Variants in HEATR4 observed in about 807,000 individuals in gnomAD.
HEATR4 encodes HEAT repeat-containing protein 4.
HEATR4 carries 95 observed loss-of-function variants against 108.8 expected under a neutral mutation model. The ratio of observed to expected loss-of-function variants is 0.87; its 90% CI spans 0.74 to 1.04. The LOEUF (loss-of-function observed/expected upper bound fraction) is 1.04. HEATR4 is among the 50% of genes least tolerant of loss of function. HEATR4 has a pLI of 0.00. For missense variants in HEATR4, 1,152 were observed against 1,253.8 expected, an observed-to-expected ratio of 0.92 and a Z score of 1.23; for synonymous variants, 443 against 459.4, an observed-to-expected ratio of 0.96 and a Z score of 0.46.
the HEATR4 span, among the ~76,000 whole-genome samples, chr14:73,577,276 G>A: frequency 7.0e-6 from 1 of 143,056 alleles, no homozygotes; most frequent in African/African-American, 2.6e-5. Context: ...TGTAGCAGTA[G>A]AATATAACCA....
Position 73,522,404 on chromosome 14 carries a change from A to C in HEATR4, c.749T>G (p.Leu250Arg), listed in dbSNP as rs139597948. 2.2e-5 allele frequency: 36 copies of C among 1,614,106 alleles called. No homozygotes were observed. Among genetic ancestry groups the C allele is most frequent in the Non-Finnish European group, 5.1e-6 (6 of 1,180,028 alleles). Residue 250 changes from leucine to arginine, a missense_variant, in exon 3 of 18, where the codon CTT becomes CGT. By Grantham distance (102) the Leu-to-Arg change is moderately radical (BLOSUM62 -2). Transcript: ENST00000553558. ...GAGCTCCAGGTCACTGGCAGAGGTA[A>C]GCTCATCCCGAATGTGACTCCAGTC... Reference protein sequence around the residue: ...QYDWSHIRDELTSASDLELLK... With the variant: ...QYDWSHIRDERTSASDLELLK...
Position 73,508,132 on chromosome 14 carries a change from A to G in HEATR4, c.1881+2T>C, listed in dbSNP as rs1474968888. 1 of 1,613,826 alleles carries G rather than the reference A, an allele frequency of 6.2e-7. No individual in the cohort carries two copies. The highest frequency in any genetic ancestry group is 8.5e-7 in the Non-Finnish European group (1 of 1,179,710). On this transcript the variant is annotated splice_donor_variant, in intron 9 of 17. Transcript: ENST00000553558. LOFTEE classifies it high-confidence loss of function. ...GTGTCTGACCCGGTAATGGACACAT[A>G]CTGTCTTCTCACTCAGATAGCTCAG...
chr14:73,599,983 C>T, the HEATR4 span, among the ~76,000 whole-genome samples: 4 of 152,158 alleles, frequency 2.6e-5, no homozygotes, highest in African/African-American at 7.2e-5. Flanking sequence ...ATATCAGATC[C>T]AGGTATAGAT....
At chr14:73,525,759 C>T (rs1888287356) in intron 2 of HEATR4, among the ~76,000 whole-genome samples, 4 of 152,024 alleles carry the variant, frequency 2.6e-5, no homozygotes, top group Admixed American at 2.6e-4. Context: ...TCAAGACTGG[C>T]CTGGCCAACA....
chr14:73,522,192 G>A lies in HEATR4; in HGVS notation c.881+80C>T, dbSNP rs559650872. Reference sequence around the variant, plus strand: ...TGATGGGAGAGTGCATTCTGAAATCGGGAGTGTGAGTCCACCTGGGAGTCC... The same window carrying A: ...TGATGGGAGAGTGCATTCTGAAATCAGGAGTGTGAGTCCACCTGGGAGTCC... On this transcript the variant is annotated intron_variant, in intron 3 of 17. Transcript: ENST00000553558. 12 of 1,417,036 alleles carry A rather than the reference G, an allele frequency of 8.5e-6. No individual in the cohort carries two copies. In the East Asian group the frequency reaches 9.2e-5, roughly 11 times the overall value. 87.8% of individuals were successfully genotyped at this position (1,417,036 alleles called of 1,614,324 possible). A position where few individuals can be genotyped will look rare whatever the true frequency, so the allele number is the denominator to read the frequency against.
the HEATR4 span, among the ~76,000 whole-genome samples, chr14:73,590,747 CA>C: frequency 2.0e-5 from 3 of 151,724 alleles, no homozygotes; most frequent in African/African-American, 7.2e-5. Flanking sequence ...CCGCCGAGCC[CA>C]CGCCCACCCG....
intron 17 of HEATR4, among the ~76,000 whole-genome samples, chr14:73,484,562 T>A (rs1488782008): frequency 6.6e-6 from 1 of 151,828 alleles, no homozygotes; most frequent in Non-Finnish European, 1.5e-5. Flanking sequence ...TATTTTTTAG[T>A]AGAGACGGGG....
At chr14:73,585,825 T>C in the HEATR4 span, among the ~76,000 whole-genome samples, 1 of 147,178 alleles carries the variant, frequency 6.8e-6, no homozygotes, top group Admixed American at 6.7e-5. Context: ...TTTTTCTTTT[T>C]TTTTTTTTTT....
the HEATR4 span, chr14:73,613,062 G>A: frequency 3.2e-6 from 2 of 624,800 alleles, no homozygotes; most frequent in Non-Finnish European, 2.5e-6. Context: ...GTCGAGCTCT[G>A]CGACCCCCAC....
the HEATR4 span, among the ~76,000 whole-genome samples, chr14:73,613,291 G>A: frequency 6.6e-6 from 1 of 152,034 alleles, no homozygotes; most frequent in African/African-American, 2.4e-5. Context: ...TCCTTTTTAA[G>A]TTTCACGTCC....
chr14:73,532,799 C>CA (rs1355460741), intron 1 of HEATR4, among the ~76,000 whole-genome samples: 1 of 111,630 alleles, frequency 9.0e-6, no homozygotes, highest in Non-Finnish European at 1.9e-5. Context: ...CTAAAACATA[C>CA]AAAAAAATTA....
the HEATR4 span, among the ~76,000 whole-genome samples, chr14:73,610,534 G>GC: frequency 2.0e-5 from 3 of 151,742 alleles, no homozygotes; most frequent in Non-Finnish European, 4.4e-5. Context: ...CAAGTCATCC[G>GC]CCCCCCTCGG....
intron 17 of HEATR4, chr14:73,491,511 C>T: frequency 6.6e-7 from 1 of 1,511,704 alleles, no homozygotes; most frequent in South Asian, 1.2e-5. Context: ...GGGGCCCCTG[C>T]GACGGCGTCG....
the HEATR4 span, among the ~76,000 whole-genome samples, chr14:73,606,392 A>AC: frequency 2.6e-5 from 4 of 151,892 alleles, no homozygotes; most frequent in African/African-American, 9.7e-5. Context: ...AACAAAAAAA[A>AC]AAAAAACTGT....
chr14:73,513,304 C>CA (rs1282647239), intron 6 of HEATR4, among the ~76,000 whole-genome samples: 3 of 151,894 alleles, frequency 2.0e-5, no homozygotes, highest in African/African-American at 7.3e-5. Flanking sequence ...ACTAAAAACA[C>CA]AAAAATTAGC....
the HEATR4 span, among the ~76,000 whole-genome samples, chr14:73,573,788 G>A: frequency 2.0e-5 from 3 of 151,872 alleles, no homozygotes; most frequent in East Asian, 5.8e-4. Flanking sequence ...GTCCAGTGGT[G>A]CGATCTTGGC....
chr14:73,519,270 A>G, intron 4 of HEATR4, 107 bp from the exon 5 acceptor site: 1 of 1,160,560 alleles, frequency 8.6e-7, no homozygotes, highest in South Asian at 1.7e-5. Flanking sequence ...GCCCTAATCT[A>G]AGCCCCTAGG....
At chr14:73,605,905 TC>T in the HEATR4 span, among the ~76,000 whole-genome samples, 1 of 152,030 alleles carries the variant, frequency 6.6e-6, no homozygotes, top group African/African-American at 2.4e-5. Flanking sequence ...CCTAAACTGT[TC>T]CTAAGATCAG....
chr14:73,509,120 G>A (rs904497811), intron 8 of HEATR4, among the ~76,000 whole-genome samples, 192 bp downstream of exon 8: 3 of 152,238 alleles, frequency 2.0e-5, no homozygotes, highest in East Asian at 1.9e-4. Flanking sequence ...TGTCGCCTTG[G>A]CCTCCCAAAG....
Sources: allele counts gnomAD v4.1 joint callset (sites outside exome capture counted in the v4.1 genomes callset), GRCh38; gene constraint gnomAD v4.1.1; transcripts MANE v1.5; gene names NCBI Gene and HGNC (gene_info 2026-07-23, HGNC 2026-07-21).